The following ITGA2B variants were observed in gnomAD, a reference collection of about 807,000 sequenced individuals.
ITGA2B encodes integrin alpha-IIb.
A neutral mutation model predicts 142.0 loss-of-function variants in ITGA2B; 91 were observed. That is an observed-to-expected ratio of 0.64 (90% CI 0.54 to 0.76). The LOEUF is 0.76. ITGA2B is among the 30% of genes least tolerant of loss of function. ITGA2B has a pLI of 0.00. For synonymous variants in ITGA2B, 536 were observed against 567.2 expected (o/e 0.94, Z 0.78); for missense variants, 1,231 against 1,350.8 (o/e 0.91, Z 1.39).
Position 44,377,807 on chromosome 17 carries a change from C to A in ITGA2B, c.2095-17G>T, listed in dbSNP as rs1417833212. The stretch of plus-strand genomic sequence containing the variant: ...CTCAAAGCCCTTCAGGAAGGCAGTT[C>A]CAAGAAAGAAATTACAGAGCATCAT... On this transcript the variant is annotated splice_polypyrimidine_tract_variant and intron_variant, in intron 20 of 29. Transcript: ENST00000262407. The A allele has an allele frequency of 1.3e-6, 2 of 1,554,154 alleles. No homozygotes were observed. The highest frequency in any genetic ancestry group is 2.3e-5 in the East Asian group (1 of 42,922).
At position 44,385,612 on chromosome 17, in the gene ITGA2B, G is replaced by C. The variant is rs1239347575; in HGVS notation, c.513C>G (p.Arg171=). 2 of 1,612,028 alleles carry C rather than the reference G, an allele frequency of 1.2e-6. No individual in the cohort carries two copies. The highest frequency in any genetic ancestry group is 4.5e-5 in the East Asian group (2 of 44,866). Residue 171 remains arginine (R), a synonymous_variant, in exon 4 of 30, where the codon CGC becomes CGG. Coordinates refer to ENST00000262407, the MANE Select transcript of ITGA2B (RefSeq NM_000419.5). ...CFLAQPESGR[R]AEYSPCRGNT... ...TCCCGCGACAGGGGGAGTACTCGGCGCGGCGGCCGCTCTCTGGCTGAGCCA... is the reference window on the plus strand; with the variant it reads ...TCCCGCGACAGGGGGAGTACTCGGCCCGGCGGCCGCTCTCTGGCTGAGCCA...
chr17:44,386,932 C>T (rs1042081093), intron 1 of ITGA2B, among the ~76,000 whole-genome samples: 4 of 152,154 alleles, frequency 2.6e-5, no homozygotes, highest in Non-Finnish European at 4.4e-5. Flanking sequence ...GCTGGGACTG[C>T]GGGTGTGCAA....
rs1050603825 is a variant in ITGA2B, at chr17:44,375,227, C to G, written c.2728-116G>C. 217 of 864,040 alleles carry G rather than the reference C, an allele frequency of 2.5e-4. 2 individuals are homozygous for G. Among genetic ancestry groups the G allele is most frequent in the Middle Eastern group, 8.5e-4 (3 of 3,524 alleles). The allele number at this position is 864,040 out of a possible 1,614,324, so 53.5% of individuals were successfully genotyped here. On this transcript the variant is annotated intron_variant, in intron 26 of 29. Transcript: ENST00000262407. Reference sequence around the variant, plus strand: ...GGCCGGGGGTTCAGGAAGCGGTGGCCTTCCCATCAGGAAGGGCCTTGGATC... The same window carrying G: ...GGCCGGGGGTTCAGGAAGCGGTGGCGTTCCCATCAGGAAGGGCCTTGGATC...
intron 1 of ITGA2B, 87 bp downstream of exon 1, chr17:44,389,199 C>G: frequency 2.7e-6 from 4 of 1,458,476 alleles, no homozygotes; most frequent in South Asian, 2.3e-5. Context: ...CAACTGCTAT[C>G]GCAAATGGGA....
At position 44,389,512 on chromosome 17, in the gene ITGA2B, G is replaced by C; in HGVS notation, c.-39C>G. On this transcript the variant is annotated 5_prime_UTR_variant, in exon 1 of 30. Transcript: ENST00000262407. Reference sequence around the variant, plus strand: ...CAACCTCCCAGGCAGGAATGGGCCAGCTCCTCCTCCTTCCCTTCAGATTCC... The same window carrying C: ...CAACCTCCCAGGCAGGAATGGGCCACCTCCTCCTCCTTCCCTTCAGATTCC... The C allele has an allele frequency of 1.9e-6, 3 of 1,602,914 alleles. No homozygotes were observed. The highest frequency in any genetic ancestry group is 2.6e-6 in the Non-Finnish European group (3 of 1,172,694).
chr17:44,383,004 C>T (rs560908011), intron 12 of ITGA2B, among the ~76,000 whole-genome samples: 2 of 152,204 alleles, frequency 1.3e-5, no homozygotes, highest in East Asian at 1.9e-4. Context: ...CTTGTGGAAG[C>T]GGGGAGAGCC....
At position 44,384,997 on chromosome 17, in the gene ITGA2B, C is replaced by T. The variant is rs1284845051; in HGVS notation, c.750G>A (p.Gln250=). 6.2e-7 allele frequency: 1 copy of T among 1,614,000 alleles called. No homozygotes were observed. The highest frequency in any genetic ancestry group is 8.5e-7 in the Non-Finnish European group (1 of 1,180,040). ...PGILLWHVSS[Q]SLSFDSSNPE... ...GGTTGCTGGAGTCAAAGGAGAGGCT[C>T]TGGGAGGACACGTGCCACAAAAGGA... Residue 250 remains glutamine, a synonymous_variant, in exon 7 of 30, where the codon CAG becomes CAA. Coordinates refer to ENST00000262407, the MANE Select transcript of ITGA2B (RefSeq NM_000419.5).
intron 27 of ITGA2B, 84 bp downstream of exon 27, chr17:44,374,897 TTCCCTCTCTTCCTGCCC>T: frequency 7.9e-7 from 1 of 1,269,200 alleles, no homozygotes; most frequent in East Asian, 2.5e-5. Flanking sequence ...AAACCTTGCC[TTCCCTCTCTTCCTGCCC>T]TCCCACACCA....
Position 44,384,419 on chromosome 17 carries a change from C to T in ITGA2B, c.848-65G>A. 5.6e-6 allele frequency: 9 copies of T among 1,607,692 alleles called. No homozygotes were observed. In the South Asian group the frequency reaches 7.7e-5, roughly 14 times the overall value. Reference sequence around the variant, plus strand: ...TAGAACCTACCCACTTCCCGCTCCCCGTTCTGCACCCAGGGAAAAATGTGT... The same window carrying T: ...TAGAACCTACCCACTTCCCGCTCCCTGTTCTGCACCCAGGGAAAAATGTGT... On this transcript the variant is annotated intron_variant, in intron 8 of 29. Transcript: ENST00000262407.
At chr17:44,373,358 G>C (rs1320124779) in intron 29 of ITGA2B, among the ~76,000 whole-genome samples, 1 of 151,886 alleles carries the variant, frequency 6.6e-6, no homozygotes, top group Admixed American at 6.6e-5. Flanking sequence ...GGCTGGTCTC[G>C]AACTCCTGAC....
At chr17:44,387,852 AAAG>A (rs1555615279) in intron 1 of ITGA2B, among the ~76,000 whole-genome samples, 28 of 149,976 alleles carry the variant, frequency 1.9e-4, no homozygotes, top group South Asian at 4.2e-4. Flanking sequence ...AAAAAAAAAA[AAAG>A]AAGAAGAAGA....
intron 12 of ITGA2B, among the ~76,000 whole-genome samples, chr17:44,382,536 G>A (rs1464331322): frequency 1.3e-5 from 2 of 151,034 alleles, no homozygotes; most frequent in Non-Finnish European, 2.9e-5. Flanking sequence ...TTGAGATGGA[G>A]TCTTGCTCTG....
At position 44,378,397 on chromosome 17, in the gene ITGA2B, C is replaced by T; in HGVS notation, c.2059G>A (p.Gly687Ser). 6.2e-7 allele frequency: 1 copy of T among 1,613,410 alleles called. No individual in the cohort carries two copies. The highest frequency in any genetic ancestry group is 8.5e-7 in the Non-Finnish European group (1 of 1,179,966). Residue 687 changes from glycine to serine, a missense_variant, in exon 20 of 30, where the codon GGC (glycine) becomes AGC (serine). By Grantham distance (56) the Gly-to-Ser change is moderately conservative (BLOSUM62 0). Transcript: ENST00000262407. Reference protein sequence around the residue: ...EAELAVHLPQGAHYMRALSNV... With the variant: ...EAELAVHLPQSAHYMRALSNV... ...CTTAGGGCCCGCATGTAGTGGGCGCCCTGGGGCAGGTGCACGGCCAGCTCT... is the reference window on the plus strand; with the variant it reads ...CTTAGGGCCCGCATGTAGTGGGCGCTCTGGGGCAGGTGCACGGCCAGCTCT...
chr17:44,385,789 C>T (rs1290414396), intron 3 of ITGA2B, 35 bp downstream of exon 3: 21 of 1,609,382 alleles, frequency 1.3e-5, no homozygotes, highest in Non-Finnish European at 1.7e-5. Context: ...TCCCTGCCCC[C>T]GATTGTTCCC....
intron 2 of ITGA2B, 28 bp from the exon 3 acceptor site, chr17:44,385,949 C>G: frequency 1.2e-6 from 2 of 1,614,126 alleles, no homozygotes; most frequent in Non-Finnish European, 1.7e-6. Flanking sequence ...GGGTGGGGCG[C>G]TGAAGCCCGG....
Position 44,383,676 on chromosome 17 carries a change from G to A in ITGA2B, c.1027C>T (p.Leu343=), listed in dbSNP as rs1168516303. The part of the protein sequence containing the change: ...GRHDLLVGAP[L]YMESRADRKL... The stretch of plus-strand genomic sequence containing the variant: ...CGGTCTGCCCGGCTCTCCATATACA[G>A]TGGAGCGCCCACCAGCAGATCATGC... Residue 343 remains leucine (L), a synonymous_variant, in exon 12 of 30, where the codon CTG becomes TTG. Transcript: ENST00000262407. 6.3e-7 allele frequency: 1 copy of A among 1,587,662 alleles called. No individual in the cohort carries two copies. The highest frequency in any genetic ancestry group is 8.6e-7 in the Non-Finnish European group (1 of 1,166,642).
rs2048626669 is a variant in ITGA2B at position 44,384,556 on chromosome 17, C to G, written c.829G>C (p.Gly277Arg). The G allele has an allele frequency of 6.2e-7, 1 of 1,614,072 alleles. No individual in the cohort carries two copies. Among genetic ancestry groups the G allele is most frequent in the Non-Finnish European group, 8.5e-7 (1 of 1,180,034 alleles). Residue 277 changes from glycine (G) to arginine (R), a missense_variant, in exon 8 of 30, where the codon GGG becomes CGG. This residue lies in a region of ITGA2B where 908 missense variants were observed against 1,021.1 expected (regional missense o/e 0.89). Transcript: ENST00000262407. ...GYSVAVGEFD[G>R]DLNTTEYVVG... is the part of the protein sequence containing the mutation. ...TTCTTGCCTGTAGTGTTGAGATCCC[C>G]GTCGAACTCGCCCACGGCCACCGAG...
intron 4 of ITGA2B, 56 bp downstream of exon 4, chr17:44,385,495 G>A: frequency 6.5e-7 from 1 of 1,530,216 alleles, no homozygotes. Flanking sequence ...GGGATCCGAT[G>A]GGGGCGGGGC....
chr17:44,375,896 G>A lies in ITGA2B; in HGVS notation c.2538C>T (p.Ile846=). Residue 846 remains isoleucine, a synonymous_variant, in exon 25 of 30, where the codon ATC becomes ATT. Coordinates refer to ENST00000262407, the MANE Select transcript of ITGA2B (RefSeq NM_000419.5). ...GGCCCCCCTGGGGCTGTATATCCAG[G>A]ATGTAGAGCAGGTCGGAGGGCTGGG... ...GQSQPSDLLY[I]LDIQPQGGLQ... 1 of 1,611,420 alleles carries A rather than the reference G, an allele frequency of 6.2e-7. No individual in the cohort carries two copies. Among genetic ancestry groups the A allele is most frequent in the Non-Finnish European group, 8.5e-7 (1 of 1,179,028 alleles).
Sources: gnomAD v4.1 joint callset for allele counts (sites outside exome capture counted in the v4.1 genomes callset) on GRCh38, gnomAD v4.1.1 for gene constraint, gnomAD v4.1.1 regional missense constraint, MANE v1.5 for transcripts, NCBI Gene and HGNC (gene_info 2026-07-23, HGNC 2026-07-21) for gene names.